Variants in EIF4EBP1 observed in about 807,000 individuals in gnomAD.
EIF4EBP1 encodes eukaryotic translation initiation factor 4E binding protein 1.
EIF4EBP1 carries 5 observed loss-of-function variants against 9.2 expected under a neutral mutation model. That is an observed-to-expected ratio of 0.54 (90% CI 0.28 to 1.14). The LOEUF (loss-of-function observed/expected upper bound fraction) is 1.14. Among genes scored for constraint, EIF4EBP1 ranks in the 50% most tolerant of loss-of-function variants. The probability of loss-of-function intolerance (pLI) is 0.09; values close to 1 mark genes in which losing one functional copy is unlikely to be tolerated. For synonymous variants in EIF4EBP1, 62 were observed against 67.0 expected (o/e 0.93, Z 0.36); for missense variants, 139 against 169.6 (o/e 0.82, Z 1.00).
At chr8:38,031,765 T>C (rs1409879589) in intron 1 of EIF4EBP1, among the ~76,000 whole-genome samples, 2 of 152,182 alleles carry the variant, frequency 1.3e-5, no homozygotes, top group Non-Finnish European at 2.9e-5. Flanking sequence ...ACATACACTG[T>C]TAGAACGGTT....
chr8:38,043,059 C>G (rs1809403887), intron 1 of EIF4EBP1, among the ~76,000 whole-genome samples: 1 of 152,006 alleles, frequency 6.6e-6, no homozygotes, highest in African/African-American at 2.4e-5. Flanking sequence ...AGAGTGAGAC[C>G]CCATCTCACA....
At chr8:38,054,992 G>C (rs1054841840) in intron 1 of EIF4EBP1, among the ~76,000 whole-genome samples, 5 of 152,150 alleles carry the variant, frequency 3.3e-5, no homozygotes, top group African/African-American at 1.2e-4. Context: ...CTAAGAAACA[G>C]CTGTGCGCTG....
At chr8:38,053,809 A>G (rs1467695791) in intron 1 of EIF4EBP1, among the ~76,000 whole-genome samples, 1 of 152,208 alleles carries the variant, frequency 6.6e-6, no homozygotes, top group African/African-American at 2.4e-5. Flanking sequence ...ATGAAAAAGC[A>G]AATCCTGTAT....
intron 1 of EIF4EBP1, among the ~76,000 whole-genome samples, chr8:38,038,389 TC>T (rs1486564545): frequency 1.4e-5 from 2 of 145,882 alleles, no homozygotes; most frequent in Admixed American, 1.4e-4. Context: ...ACACCTGTAC[TC>T]CCAGCTACTC....
Position 38,060,025 on chromosome 8 carries a change from A to G in EIF4EBP1, c.*90A>G. On this transcript the variant is annotated 3_prime_UTR_variant, in exon 3 of 3. Transcript: ENST00000338825. ...CCAGCCAGGCCTTATGAAAGTGATC[A>G]TACTGGGCAGGCGTTGGCGTGGGGT... The G allele has an allele frequency of 1.5e-6, 2 of 1,357,788 alleles. No homozygotes were observed. Among genetic ancestry groups the G allele is most frequent in the South Asian group, 2.3e-5 (2 of 85,910 alleles). The allele number at this position is 1,357,788 out of a possible 1,614,324, so 84.1% of individuals were successfully genotyped here.
intron 1 of EIF4EBP1, among the ~76,000 whole-genome samples, chr8:38,032,228 C>G (rs1809235135): frequency 7.0e-6 from 1 of 143,240 alleles, no homozygotes; most frequent in South Asian, 2.2e-4. Flanking sequence ...ATAGGCACTT[C>G]TGGCCCGGGT....
chr8:38,053,248 C>T (rs1809550295), intron 1 of EIF4EBP1, among the ~76,000 whole-genome samples: 1 of 150,966 alleles, frequency 6.6e-6, no homozygotes, highest in African/African-American at 2.4e-5. Context: ...GAACTCCTGA[C>T]CTCAGGTGAT....
At chr8:38,036,918 G>A (rs555054587) in intron 1 of EIF4EBP1, among the ~76,000 whole-genome samples, 4 of 151,480 alleles carry the variant, frequency 2.6e-5, no homozygotes, top group African/African-American at 9.7e-5. Flanking sequence ...CCAAAGTTCT[G>A]GGATTAGAGG....
intron 1 of EIF4EBP1, among the ~76,000 whole-genome samples, chr8:38,033,112 T>C (rs1408365382): frequency 6.7e-6 from 1 of 149,284 alleles, no homozygotes; most frequent in Non-Finnish European, 1.5e-5. Context: ...TCACCCAGGC[T>C]GGAGTGCAGT....
rs753354450 is a variant in EIF4EBP1, at chr8:38,057,122, C to G, written c.187C>G (p.Arg63Gly). 6 of 1,531,374 alleles carry G rather than the reference C, an allele frequency of 3.9e-6. No homozygotes were observed. Among genetic ancestry groups the G allele is most frequent in the Non-Finnish European group, 5.3e-6 (6 of 1,133,690 alleles). 94.9% of individuals were successfully genotyped at this position (1,531,374 alleles called of 1,614,324 possible). ...TGACCGGAAATTCCTGATGGAGTGT[C>G]GGAACTCACCTGTGACCAAAACACC... is the stretch of plus-strand genomic sequence containing the variant. ...IYDRKFLMEC[R>G]NSPVTKTPPR... is the part of the protein sequence containing the mutation. Residue 63 changes from arginine (R) to glycine (G), a missense_variant, in exon 2 of 3, where the codon CGG becomes GGG. Physicochemically the swap from Arg to Gly is moderately radical, Grantham distance 125. Coordinates refer to ENST00000338825, the MANE Select transcript of EIF4EBP1 (RefSeq NM_004095.4).
chr8:38,053,174 C>A (rs983401464), intron 1 of EIF4EBP1, among the ~76,000 whole-genome samples: 1 of 152,002 alleles, frequency 6.6e-6, no homozygotes, highest in African/African-American at 2.4e-5. Context: ...TGTGCCACCA[C>A]GCCCAGCTAA....
At chr8:38,039,601 A>G (rs1809350366) in intron 1 of EIF4EBP1, among the ~76,000 whole-genome samples, 1 of 150,242 alleles carries the variant, frequency 6.7e-6, no homozygotes, top group Admixed American at 6.6e-5. Flanking sequence ...ATGGGGTTTC[A>G]CCATGTTGGC....
chr8:38,044,228 T>C lies in EIF4EBP1; in HGVS notation c.146-12853T>C, dbSNP rs188101472. 3.8e-3 allele frequency among the ~76,000 whole-genome samples: 582 copies of C among 152,126 alleles called. 6 individuals carry two copies. Among genetic ancestry groups the C allele is most frequent in the African/African-American group, 0.013 (544 of 41,518 alleles). ...CCCACATCCAATGGAAGAATGCTTC[T>C]GCCAAAGGAACCCCAGGGGAAAGTG... is the stretch of plus-strand genomic sequence containing the variant. On this transcript the variant is annotated intron_variant, in intron 1 of 2. Transcript: ENST00000338825.
chr8:38,043,040 C>T (rs1345549608), intron 1 of EIF4EBP1, among the ~76,000 whole-genome samples: 2 of 152,200 alleles, frequency 1.3e-5, no homozygotes, highest in Non-Finnish European at 2.9e-5. Context: ...GAACTCTAGT[C>T]TGGGTGACAG....
chr8:38,059,776 C>CAA, intron 2 of EIF4EBP1, 128 bp from the exon 3 acceptor site: 1 of 856,954 alleles, frequency 1.2e-6, no homozygotes, highest in Non-Finnish European at 1.8e-6. Context: ...AACAAAAAAA[C>CAA]AAAAAAAAAC....
Position 38,057,110 on chromosome 8 carries a change from C to T in EIF4EBP1, c.175C>T (p.Leu59=). Reference sequence around the variant, plus strand: ...CAGGATCATCTATGACCGGAAATTCCTGATGGAGTGTCGGAACTCACCTGT... The same window carrying T: ...CAGGATCATCTATGACCGGAAATTCTTGATGGAGTGTCGGAACTCACCTGT... The part of the protein sequence containing the change: ...GTRIIYDRKF[L]MECRNSPVTK... Residue 59 remains leucine, a synonymous_variant, in exon 2 of 3, where the codon CTG becomes TTG. Transcript: ENST00000338825. The T allele has an allele frequency of 6.2e-7, 1 of 1,614,202 alleles. No individual in the cohort carries two copies. The highest frequency in any genetic ancestry group is 1.1e-5 in the South Asian group (1 of 91,086).
chr8:38,050,452 T>C (rs530276448), intron 1 of EIF4EBP1, among the ~76,000 whole-genome samples: 3 of 151,972 alleles, frequency 2.0e-5, no homozygotes, highest in African/African-American at 7.2e-5. Context: ...TGGGCTCTGG[T>C]GATCCTCCCA....
chr8:38,053,405 C>T (rs1026739817), intron 1 of EIF4EBP1, among the ~76,000 whole-genome samples: 7 of 151,782 alleles, frequency 4.6e-5, no homozygotes, highest in Admixed American at 2.6e-4. Context: ...CTCACTGGAG[C>T]GCAGTGGCGC....
intron 1 of EIF4EBP1, among the ~76,000 whole-genome samples, chr8:38,043,626 GTGAGCTATCACACC>G (rs1457004163): frequency 6.6e-6 from 1 of 152,026 alleles, no homozygotes; most frequent in African/African-American, 2.4e-5. Context: ...GATAACAGGT[GTGAGCTATCACACC>G]TGGCCTGAAG....
Sources: allele counts gnomAD v4.1 joint callset (sites outside exome capture counted in the v4.1 genomes callset), GRCh38; gene constraint gnomAD v4.1.1; transcripts MANE v1.5; gene names NCBI Gene and HGNC (gene_info 2026-07-23, HGNC 2026-07-21).